Variants in RALYL observed in about 807,000 individuals in gnomAD.
RALYL encodes the protein RALY RNA binding protein like, also known as RNA-binding Raly-like protein.
RALYL carries 29 observed loss-of-function variants against 35.1 expected under a neutral mutation model. The observed-to-expected ratio is 0.83, with a 90% CI of 0.61 to 1.13. The LOEUF (loss-of-function observed/expected upper bound fraction) is 1.13, where lower values mean the gene tolerates loss of function less well. RALYL is among the 50% of genes most tolerant of loss of function. The probability of loss-of-function intolerance (pLI) is 0.00; values close to 1 mark genes in which losing one functional copy is unlikely to be tolerated. For missense variants in RALYL, 359 were observed against 360.4 expected (o/e 1.00, Z 0.03); for synonymous variants, 120 against 127.6 (o/e 0.94, Z 0.40).
chr8:84,294,186 A>G (rs1839324255), intron 1 of RALYL, among the ~76,000 whole-genome samples: 1 of 152,144 alleles, frequency 6.6e-6, no homozygotes, highest in Admixed American at 6.6e-5. Context: ...GTTGGCATGT[A>G]AGAAGGGTTT....
intron 1 of RALYL, among the ~76,000 whole-genome samples, chr8:84,383,108 C>T (rs530884902): frequency 2.6e-5 from 4 of 151,868 alleles, no homozygotes; most frequent in South Asian, 4.1e-4. Context: ...TTCACTAAAA[C>T]GATCCACTCA....
At chr8:84,913,391 G>A (rs1023241808) in intron 8 of RALYL, among the ~76,000 whole-genome samples, 1 of 151,956 alleles carries the variant, frequency 6.6e-6, no homozygotes, top group African/African-American at 2.4e-5. Flanking sequence ...AAATCTAGGA[G>A]AGAATTCAAC....
At chr8:84,436,607 CAGT>C (rs1416323427) in intron 1 of RALYL, among the ~76,000 whole-genome samples, 1 of 114,856 alleles carries the variant, frequency 8.7e-6, no homozygotes, top group African/African-American at 3.4e-5. Context: ...TTTGGGAAGA[CAGT>C]GGTGGATGTA....
intron 1 of RALYL, among the ~76,000 whole-genome samples, chr8:84,205,277 G>T (rs893439940): frequency 2.6e-5 from 4 of 152,252 alleles, no homozygotes; most frequent in Admixed American, 2.6e-4. Context: ...AGAGAAAAAT[G>T]TAATGATTTC....
chr8:84,733,062 T>C (rs1846543137), intron 2 of RALYL, among the ~76,000 whole-genome samples: 1 of 152,058 alleles, frequency 6.6e-6, no homozygotes. Flanking sequence ...GAGTCAGATA[T>C]TAGTTGTTTG....
intron 2 of RALYL, among the ~76,000 whole-genome samples, chr8:84,622,041 TCA>T (rs1478467923): frequency 6.6e-6 from 1 of 152,244 alleles, no homozygotes; most frequent in Non-Finnish European, 1.5e-5. Context: ...CTTAAATGTT[TCA>T]GTTAAAACTT....
intron 2 of RALYL, 51 bp downstream of exon 2, chr8:84,529,628 A>T: frequency 6.5e-7 from 1 of 1,541,866 alleles, no homozygotes; most frequent in African/African-American, 1.4e-5. Context: ...ATATCTGGAA[A>T]TTGTTTTATT....
chr8:84,631,650 T>A (rs1823935518), intron 2 of RALYL, among the ~76,000 whole-genome samples: 1 of 151,702 alleles, frequency 6.6e-6, no homozygotes, highest in South Asian at 2.1e-4. Flanking sequence ...GACTGAGGTA[T>A]AGAATTCAGG....
chr8:84,695,088 AT>A (rs1838867226), intron 2 of RALYL, among the ~76,000 whole-genome samples: 1 of 151,770 alleles, frequency 6.6e-6, no homozygotes, highest in Non-Finnish European at 1.5e-5. Context: ...AAATGCCTTG[AT>A]TTGGTATTTT....
At chr8:84,263,751 CTA>C (rs1488837281) in intron 1 of RALYL, among the ~76,000 whole-genome samples, 1 of 152,102 alleles carries the variant, frequency 6.6e-6, no homozygotes, top group Non-Finnish European at 1.5e-5. Flanking sequence ...TCCTAATACT[CTA>C]TCCTTCCCCG....
intron 5 of RALYL, among the ~76,000 whole-genome samples, chr8:84,856,329 A>G (rs1302939028): frequency 6.6e-6 from 1 of 152,176 alleles, no homozygotes; most frequent in African/African-American, 2.4e-5. Flanking sequence ...GTGGCTTATA[A>G]CCCCACAACA....
chr8:84,442,927 T>C (rs1006455810), intron 1 of RALYL, among the ~76,000 whole-genome samples: 2 of 151,818 alleles, frequency 1.3e-5, no homozygotes, highest in African/African-American at 2.4e-5. Context: ...ACTTCTCTTA[T>C]ATGTGACCTC....
intron 1 of RALYL, among the ~76,000 whole-genome samples, chr8:84,290,884 A>T (rs904283641): frequency 2.0e-4 from 30 of 152,306 alleles, no homozygotes; most frequent in Non-Finnish European, 4.0e-4. Flanking sequence ...TTACTGTAAT[A>T]CTTTTGATAT....
At chr8:84,833,637 G>A (rs769288611) in intron 4 of RALYL, among the ~76,000 whole-genome samples, 11 of 129,950 alleles carry the variant, frequency 8.5e-5, no homozygotes, top group East Asian at 6.3e-4. Flanking sequence ...GCATGACTTC[G>A]TCTCAAAAAA....
chr8:84,518,677 A>G (rs2058240032), intron 1 of RALYL, among the ~76,000 whole-genome samples: 1 of 152,204 alleles, frequency 6.6e-6, no homozygotes, highest in East Asian at 1.9e-4. Context: ...AGAAGAATTC[A>G]AGAAATTTCA....
At chr8:84,774,872 G>C (rs1565225) in intron 3 of RALYL, among the ~76,000 whole-genome samples, 15 of 151,884 alleles carry the variant, frequency 9.9e-5, no homozygotes, top group Non-Finnish European at 2.1e-4. Flanking sequence ...ACCCTTCTAC[G>C]AGATACTTAT....
intron 1 of RALYL, among the ~76,000 whole-genome samples, chr8:84,416,045 A>G (rs1314223127): frequency 6.6e-6 from 1 of 152,222 alleles, no homozygotes; most frequent in African/African-American, 2.4e-5. Flanking sequence ...ATATGTTTGT[A>G]TCATATAAAT....
At chr8:84,789,077 G>A (rs566155852) in intron 3 of RALYL, among the ~76,000 whole-genome samples, 1 of 152,290 alleles carries the variant, frequency 6.6e-6, no homozygotes, top group East Asian at 1.9e-4. Flanking sequence ...TAAAGTCCAG[G>A]TTGTAGCCTT....
chr8:84,592,710 T>C (rs1181503035), intron 2 of RALYL, among the ~76,000 whole-genome samples: 1 of 152,138 alleles, frequency 6.6e-6, no homozygotes, highest in Non-Finnish European at 1.5e-5. Context: ...CACCAATTTA[T>C]GGTTAAACCA....
Sources: allele counts gnomAD v4.1 joint callset (sites outside exome capture counted in the v4.1 genomes callset), GRCh38; gene constraint gnomAD v4.1.1; transcripts MANE v1.5; gene names NCBI Gene and HGNC (gene_info 2026-07-23, HGNC 2026-07-21).